FIGN: variants seen among roughly 807,000 people sequenced by gnomAD.
The protein encoded by FIGN is fidgetin.
Under a neutral mutation model 51.3 loss-of-function variants are expected in FIGN, and 11 were observed. The ratio of observed to expected loss-of-function variants is 0.21; its 90% CI spans 0.13 to 0.35. FIGN has a LOEUF of 0.35. Ranked by LOEUF, FIGN falls within the 10% of genes least tolerant of loss-of-function variation. FIGN has a pLI of 1.00. For missense variants in FIGN, 857 were observed against 943.6 expected (o/e 0.91, Z 1.20); for synonymous variants, 407 against 363.2 (o/e 1.12, Z -1.37).
intron 2 of FIGN, among the ~76,000 whole-genome samples, chr2:163,641,880 T>C (rs956546610): frequency 1.3e-5 from 2 of 152,212 alleles, no homozygotes; most frequent in Admixed American, 1.3e-4. Context: ...AGTAAAGAAG[T>C]CTGAAGTCTT....
At chr2:163,677,915 A>T (rs1191817877) in intron 2 of FIGN, among the ~76,000 whole-genome samples, 3 of 152,188 alleles carry the variant, frequency 2.0e-5, no homozygotes, top group Admixed American at 2.0e-4. Context: ...ATACTGAATA[A>T]CGCAATGGGG....
intron 2 of FIGN, among the ~76,000 whole-genome samples, chr2:163,711,657 C>CAA (rs35141137): frequency 0.039 from 5,141 of 133,298 alleles, 138 homozygotes; most frequent in Admixed American, 0.084. Flanking sequence ...ATTGTTTCTA[C>CAA]AAAAAAAAAA....
At chr2:163,612,290 T>C (rs1691281732) in intron 2 of FIGN, 1 of 984,738 alleles carries the variant, frequency 1.0e-6, no homozygotes, top group South Asian at 4.7e-5. Flanking sequence ...TTAAGCAATA[T>C]AAAAATGAGA....
Position 163,716,442 on chromosome 2 carries a change from A to G in FIGN, c.25+18461T>C, listed in dbSNP as rs189550020. Among the ~76,000 whole-genome samples the G allele has an allele frequency of 1.9e-4, 29 of 152,350 alleles. 1 individual carries two copies. Among genetic ancestry groups the G allele is most frequent in the African/African-American group, 6.7e-4 (28 of 41,586 alleles). On this transcript the variant is annotated intron_variant, in intron 2 of 2. Coordinates refer to ENST00000333129, the MANE Select transcript of FIGN (RefSeq NM_018086.4). Reference sequence around the variant, plus strand: ...TTAAAATGTTGATTATAAAACATTTACTAGCAATCAAAACACTGGAAATAG... The same window carrying G: ...TTAAAATGTTGATTATAAAACATTTGCTAGCAATCAAAACACTGGAAATAG...
intron 2 of FIGN, among the ~76,000 whole-genome samples, chr2:163,631,759 T>C (rs1339756823): frequency 6.6e-6 from 1 of 152,244 alleles, no homozygotes; most frequent in Non-Finnish European, 1.5e-5. Context: ...GAAGGTAATT[T>C]ATTTTGTTCG....
chr2:163,730,131 C>G (rs1234719795), intron 2 of FIGN, among the ~76,000 whole-genome samples: 1 of 152,226 alleles, frequency 6.6e-6, no homozygotes, highest in Non-Finnish European at 1.5e-5. Context: ...ATACCCCTTG[C>G]TTTTGATTTG....
intron 2 of FIGN, among the ~76,000 whole-genome samples, chr2:163,660,363 C>G (rs1038986817): frequency 1.3e-5 from 2 of 151,980 alleles, no homozygotes; most frequent in African/African-American, 4.8e-5. Context: ...TTGATGGTAT[C>G]TGATCTAATA....
In FIGN at chr2:163,611,461, A is replaced by G. The variant is rs746901180; in HGVS notation, c.371T>C (p.Val124Ala). Reference sequence around the variant, plus strand: ...TTTGCTGGCAGTGATAACATCCGGAACACAGTTCATGGGATAAACAGCTTC... The same window carrying G: ...TTTGCTGGCAGTGATAACATCCGGAGCACAGTTCATGGGATAAACAGCTTC... The part of the protein sequence containing the change: ...NSEAVYPMNC[V>A]PDVITASKAG... Residue 124 changes from valine to alanine, a missense_variant, in exon 3 of 3, where the codon GTT becomes GCT. By Grantham distance (64) the Val-to-Ala change is moderately conservative. This residue lies in a region of FIGN where 799 missense variants were observed against 849.5 expected (regional missense o/e 0.94). Transcript: ENST00000333129. 5 of 1,614,212 alleles carry G rather than the reference A, an allele frequency of 3.1e-6. No homozygotes were observed. Among genetic ancestry groups the G allele is most frequent in the Non-Finnish European group, 4.2e-6 (5 of 1,180,022 alleles).
intron 2 of FIGN, among the ~76,000 whole-genome samples, chr2:163,625,347 A>C (rs1683038555): frequency 6.6e-6 from 1 of 152,068 alleles, no homozygotes; most frequent in African/African-American, 2.4e-5. Flanking sequence ...AAGAAATGTC[A>C]ATTTTTCATA....
chr2:163,727,135 A>G (rs1490940409), intron 2 of FIGN, among the ~76,000 whole-genome samples: 1 of 152,134 alleles, frequency 6.6e-6, no homozygotes, highest in East Asian at 1.9e-4. Context: ...GATGAAAAAT[A>G]AAAAAGCTCT....
At chr2:163,688,953 T>C (rs1684196218) in intron 2 of FIGN, among the ~76,000 whole-genome samples, 1 of 152,068 alleles carries the variant, frequency 6.6e-6, no homozygotes, top group African/African-American at 2.4e-5. Context: ...GCAGATCCCT[T>C]GAGCCCAGGA....
chr2:163,720,595 T>A (rs1684741223), intron 2 of FIGN, among the ~76,000 whole-genome samples: 1 of 152,192 alleles, frequency 6.6e-6, no homozygotes, highest in Admixed American at 6.6e-5. Context: ...AAACCAAACT[T>A]AACCCCTAAG....
At chr2:163,625,996 T>C (rs1016463036) in intron 2 of FIGN, among the ~76,000 whole-genome samples, 1 of 152,174 alleles carries the variant, frequency 6.6e-6, no homozygotes, top group African/African-American at 2.4e-5. Context: ...TGTTACTGAA[T>C]GATTCCTCTT....
chr2:163,635,385 T>C (rs1044536569), intron 2 of FIGN, among the ~76,000 whole-genome samples: 8 of 152,100 alleles, frequency 5.3e-5, no homozygotes, highest in Admixed American at 3.9e-4. Context: ...CTGGGCAACA[T>C]AGTAAGACCT....
chr2:163,656,726 C>T (rs558649675), intron 2 of FIGN, among the ~76,000 whole-genome samples: 1 of 152,240 alleles, frequency 6.6e-6, no homozygotes, highest in South Asian at 2.1e-4. Flanking sequence ...GAAGCAGGCA[C>T]AGGGGCCTCT....
intron 2 of FIGN, among the ~76,000 whole-genome samples, chr2:163,664,283 T>C (rs893861682): frequency 1.3e-5 from 2 of 152,232 alleles, no homozygotes; most frequent in African/African-American, 2.4e-5. Context: ...CCTTTCTTTA[T>C]AGTGTCTCCT....
chr2:163,661,456 G>T (rs1469045460), intron 2 of FIGN, among the ~76,000 whole-genome samples: 1 of 151,602 alleles, frequency 6.6e-6, no homozygotes, highest in African/African-American at 2.4e-5. Context: ...GAGTACAATG[G>T]TGTGATCTCT....
intron 2 of FIGN, among the ~76,000 whole-genome samples, chr2:163,686,353 G>T (rs953416600): frequency 2.0e-5 from 3 of 152,134 alleles, no homozygotes; most frequent in African/African-American, 7.2e-5. Context: ...CCATAATGTT[G>T]ATTAAATGTA....
intron 2 of FIGN, among the ~76,000 whole-genome samples, chr2:163,678,224 TC>T (rs1456933217): frequency 6.6e-6 from 1 of 152,042 alleles, no homozygotes; most frequent in Non-Finnish European, 1.5e-5. Flanking sequence ...TCTTTTTTTT[TC>T]TTTTTTCTTT....
Sources: allele counts gnomAD v4.1 joint callset (sites outside exome capture counted in the v4.1 genomes callset), GRCh38; gene constraint gnomAD v4.1.1; regional missense constraint gnomAD v4.1.1; transcripts MANE v1.5; gene names NCBI Gene and HGNC (gene_info 2026-07-23, HGNC 2026-07-21).